Variants in GRM7 observed in about 807,000 individuals in gnomAD.
GRM7 encodes metabotropic glutamate receptor 7.
GRM7 carries 35 observed loss-of-function variants against 84.5 expected under a neutral mutation model. The ratio of observed to expected loss-of-function variants is 0.41; its 90% confidence interval spans 0.32 to 0.55. The LOEUF (loss-of-function observed/expected upper bound fraction) is 0.55, where lower values mean the gene tolerates loss of function less well. GRM7 is among the 20% of genes least tolerant of loss of function. GRM7 has a pLI of 0.19. For synonymous variants in GRM7, 487 were observed against 455.1 expected, an observed-to-expected ratio of 1.07 and a Z score of -0.89; for missense variants, 1,003 against 1,194.6, an observed-to-expected ratio of 0.84 and a Z score of 2.36.
chr3:7,702,161 T>A (rs1701249445), intron 9 of GRM7, among the ~76,000 whole-genome samples: 1 of 152,156 alleles, frequency 6.6e-6, no homozygotes, highest in Non-Finnish European at 1.5e-5. Flanking sequence ...AGTAAATAAT[T>A]GTGGGCTCTT....
At chr3:7,698,074 C>T (rs1701087216) in intron 9 of GRM7, among the ~76,000 whole-genome samples, 1 of 152,162 alleles carries the variant, frequency 6.6e-6, no homozygotes, top group Admixed American at 6.5e-5. Context: ...AGCCGTAGCT[C>T]CTCCAAGAGT....
chr3:6,956,456 C>T, intron 1 of GRM7: 7 of 431,996 alleles, frequency 1.6e-5, no homozygotes, highest in South Asian at 6.7e-5. Context: ...TGGGCAAACG[C>T]CGGCACCATG....
At chr3:7,261,019 G>T (rs567160561) in intron 2 of GRM7, among the ~76,000 whole-genome samples, 2 of 152,084 alleles carry the variant, frequency 1.3e-5, no homozygotes, top group African/African-American at 4.8e-5. Context: ...TCTGCTAGGG[G>T]GGTGCCAGTC....
intron 1 of GRM7, among the ~76,000 whole-genome samples, chr3:6,983,529 T>C (rs60868085): frequency 6.6e-6 from 1 of 151,986 alleles, no homozygotes; most frequent in Non-Finnish European, 1.5e-5. Context: ...GTGAATTATA[T>C]GTTTACTGAG....
intron 6 of GRM7, among the ~76,000 whole-genome samples, chr3:7,460,561 C>T (rs75368418): frequency 8.5e-5 from 13 of 152,144 alleles, no homozygotes; most frequent in East Asian, 1.9e-4. Context: ...CATTGTTTTC[C>T]GCTGGGAATA....
chr3:7,454,339 T>A (rs979635736), intron 6 of GRM7, among the ~76,000 whole-genome samples: 3 of 152,156 alleles, frequency 2.0e-5, no homozygotes, highest in Non-Finnish European at 4.4e-5. Context: ...AATGTCTGTT[T>A]GAATAGTCTC....
At chr3:7,731,058 T>C (rs1006712723) in intron 9 of GRM7, among the ~76,000 whole-genome samples, 8 of 150,382 alleles carry the variant, frequency 5.3e-5, no homozygotes, top group Non-Finnish European at 1.0e-4. Flanking sequence ...CTTTACATCT[T>C]AAAGTACAAA....
intron 1 of GRM7, among the ~76,000 whole-genome samples, chr3:6,880,388 T>C (rs961925725): frequency 2.6e-5 from 4 of 152,238 alleles, no homozygotes; most frequent in Non-Finnish European, 5.9e-5. Flanking sequence ...GAGGATATTT[T>C]GATCTTAATT....
Position 7,187,860 on chromosome 3 carries a change from C to T in GRM7, c.736+41192C>T, listed in dbSNP as rs766692366. On this transcript the variant is annotated intron_variant, in intron 2 of 9. Coordinates refer to ENST00000357716, the MANE Select transcript of GRM7 (RefSeq NM_000844.4). ...TTCTTCCTTCCCAGCCCTGTTTTAG[C>T]TAGTCTTCAATGTGGTTCGGTGTCC... is the stretch of plus-strand genomic sequence containing the variant. Among the ~76,000 whole-genome samples the T allele has an allele frequency of 3.9e-5, 6 of 152,094 alleles. No homozygotes were observed. In the East Asian group the frequency reaches 7.7e-4, roughly 20 times the overall value.
intron 1 of GRM7, among the ~76,000 whole-genome samples, chr3:6,972,931 CACAGAGTGATATATTCATGGAAT>C (rs1417569611): frequency 1.3e-5 from 2 of 152,156 alleles, no homozygotes; most frequent in African/African-American, 4.8e-5. Flanking sequence ...CTGTGCCTGA[CACAGAGTGATATATTCATGGAAT>C]ATTTCATGGG....
chr3:7,443,112 C>A (rs1459921617), intron 5 of GRM7, among the ~76,000 whole-genome samples: 1 of 151,930 alleles, frequency 6.6e-6, no homozygotes, highest in African/African-American at 2.4e-5. Flanking sequence ...TTTTCATGAG[C>A]ATCATGTGAT....
chr3:7,335,327 GA>G (rs1328098520), intron 4 of GRM7, among the ~76,000 whole-genome samples: 4 of 152,010 alleles, frequency 2.6e-5, no homozygotes, highest in Non-Finnish European at 5.9e-5. Context: ...GGTCAACAAA[GA>G]AATTTTGATG....
At chr3:7,319,436 T>C (rs1479219791) in intron 4 of GRM7, among the ~76,000 whole-genome samples, 1 of 152,018 alleles carries the variant, frequency 6.6e-6, no homozygotes, top group Non-Finnish European at 1.5e-5. Context: ...GTGATGGAGA[T>C]TTTGGCAGGA....
intron 2 of GRM7, among the ~76,000 whole-genome samples, chr3:7,249,846 G>T (rs1697913612): frequency 6.6e-6 from 1 of 152,178 alleles, no homozygotes; most frequent in Non-Finnish European, 1.5e-5. Context: ...CAAGTCATCA[G>T]GGGCCTGCAC....
chr3:6,940,730 CA>C (rs1173379998), intron 1 of GRM7, among the ~76,000 whole-genome samples: 1 of 152,170 alleles, frequency 6.6e-6, no homozygotes, highest in Admixed American at 6.5e-5. Context: ...GTAGAAGGAA[CA>C]AGGCTATATT....
At chr3:7,415,193 T>G (rs1261270559) in intron 5 of GRM7, 30 bp downstream of exon 5, 1 of 1,594,220 alleles carries the variant, frequency 6.3e-7, no homozygotes, top group African/African-American at 1.3e-5. Flanking sequence ...CCTTCTCCTA[T>G]TACTCTACGT....
At chr3:7,185,355 C>A (rs6775229) in intron 2 of GRM7, among the ~76,000 whole-genome samples, 1 of 151,924 alleles carries the variant, frequency 6.6e-6, no homozygotes, top group Non-Finnish European at 1.5e-5. Context: ...TATTTATTAT[C>A]TATTATTATG....
chr3:7,124,281 A>T (rs566733075), intron 1 of GRM7, among the ~76,000 whole-genome samples: 1 of 152,206 alleles, frequency 6.6e-6, no homozygotes, highest in South Asian at 2.1e-4. Flanking sequence ...TGTGGAGCAT[A>T]GCATGCTTAG....
chr3:7,194,285 A>G (rs760805448), intron 2 of GRM7, among the ~76,000 whole-genome samples: 21 of 152,010 alleles, frequency 1.4e-4, no homozygotes, highest in Non-Finnish European at 2.4e-4. Flanking sequence ...CAAGTCCCTA[A>G]TTTCTCCTCA....
Sources: allele counts gnomAD v4.1 joint callset (sites outside exome capture counted in the v4.1 genomes callset), GRCh38; gene constraint gnomAD v4.1.1; transcripts MANE v1.5; gene names NCBI Gene and HGNC (gene_info 2026-07-23, HGNC 2026-07-21).